The following AFF3 variants were observed in gnomAD, a reference collection of about 807,000 sequenced individuals.
AFF3 encodes the protein ALF transcription elongation factor 3, also known as AF4/FMR2 family member 3.
AFF3 carries 32 observed loss-of-function variants against 129.7 expected under a neutral mutation model. The observed-to-expected ratio is 0.25, with a 90% confidence interval of 0.19 to 0.33. The LOEUF (loss-of-function observed/expected upper bound fraction) is 0.33, where lower values mean the gene tolerates loss of function less well. Among genes scored for constraint, AFF3 ranks in the 10% least tolerant of loss-of-function variants. The pLI is 1.00. For missense variants in AFF3, 1,373 were observed against 1,592.0 expected (o/e 0.86, Z 2.34); for synonymous variants, 644 against 635.4 (o/e 1.01, Z -0.20).
chr2:99,821,781 A>C (rs1687706249), intron 8 of AFF3, among the ~76,000 whole-genome samples: 1 of 152,178 alleles, frequency 6.6e-6, no homozygotes, highest in Non-Finnish European at 1.5e-5. Flanking sequence ...CCTCGTGATG[A>C]CCAAAACATT....
At chr2:100,049,559 T>C (rs78967321) in intron 4 of AFF3, among the ~76,000 whole-genome samples, 4,030 of 152,302 alleles carry the variant, frequency 0.026, 165 homozygotes, top group African/African-American at 0.09. Flanking sequence ...GATATTATTA[T>C]ATTCAGGTTA....
chr2:99,860,653 A>G (rs371647889), intron 7 of AFF3, among the ~76,000 whole-genome samples: 2 of 152,090 alleles, frequency 1.3e-5, no homozygotes, highest in East Asian at 1.9e-4. Context: ...GCTTGAACCC[A>G]GGAGGTAGAG....
chr2:99,767,906 T>C (rs1017772954), intron 8 of AFF3, among the ~76,000 whole-genome samples: 2 of 152,158 alleles, frequency 1.3e-5, no homozygotes, highest in African/African-American at 2.4e-5. Flanking sequence ...GATTGCGCCA[T>C]TGCACTCCTC....
chr2:99,607,206 G>T (rs1680450351), intron 13 of AFF3, among the ~76,000 whole-genome samples: 1 of 152,100 alleles, frequency 6.6e-6, no homozygotes, highest in South Asian at 2.1e-4. Flanking sequence ...TTGGAATCTG[G>T]CCTTGGCTAA....
At chr2:100,135,018 G>A (rs1692577758) in intron 1 of AFF3, among the ~76,000 whole-genome samples, 1 of 152,168 alleles carries the variant, frequency 6.6e-6, no homozygotes, top group Non-Finnish European at 1.5e-5. Context: ...ATGCATCTGG[G>A]GAAGAGCTCC....
intron 11 of AFF3, among the ~76,000 whole-genome samples, chr2:99,697,724 G>A (rs1407301716): frequency 6.6e-6 from 1 of 152,204 alleles, no homozygotes; most frequent in Non-Finnish European, 1.5e-5. Context: ...CTGAGTTCTA[G>A]CCCTAGTTCT....
intron 8 of AFF3, among the ~76,000 whole-genome samples, chr2:99,835,336 C>T (rs568843957): frequency 5.9e-5 from 9 of 152,288 alleles, no homozygotes; most frequent in African/African-American, 2.2e-4. Flanking sequence ...ACTATTCTGC[C>T]TTTCCCTCTC....
chr2:99,687,419 T>C (rs1675172424), intron 11 of AFF3, among the ~76,000 whole-genome samples: 2 of 152,038 alleles, frequency 1.3e-5, no homozygotes, highest in African/African-American at 4.8e-5. Context: ...ACCAGTTTTA[T>C]CAAATGAGCC....
chr2:99,640,836 C>A (rs1208404840), intron 13 of AFF3, among the ~76,000 whole-genome samples: 1 of 152,236 alleles, frequency 6.6e-6, no homozygotes, highest in Non-Finnish European at 1.5e-5. Flanking sequence ...CCAGGAATTA[C>A]ATGAGGTGCT....
chr2:99,811,195 A>G (rs1686758710), intron 8 of AFF3, among the ~76,000 whole-genome samples: 1 of 152,044 alleles, frequency 6.6e-6, no homozygotes, highest in Non-Finnish European at 1.5e-5. Flanking sequence ...TATGGGTACA[A>G]CTCAGGACCT....
At chr2:100,072,600 C>A (rs1219880979) in intron 4 of AFF3, among the ~76,000 whole-genome samples, 4 of 152,124 alleles carry the variant, frequency 2.6e-5, no homozygotes, top group African/African-American at 9.7e-5. Context: ...AAGCCTGCAA[C>A]CCCAGAGAAA....
intron 8 of AFF3, among the ~76,000 whole-genome samples, chr2:99,781,109 A>G (rs1053303494): frequency 3.3e-5 from 5 of 152,130 alleles, no homozygotes; most frequent in African/African-American, 1.2e-4. Flanking sequence ...TTTAGTTACA[A>G]TGATTTTCTC....
At chr2:99,964,082 A>G (rs570756881) in intron 7 of AFF3, among the ~76,000 whole-genome samples, 1 of 152,232 alleles carries the variant, frequency 6.6e-6, no homozygotes, top group South Asian at 2.1e-4. Flanking sequence ...TAACAATCCT[A>G]AAAGTATATG....
chr2:99,931,103 G>T (rs1181175162), intron 7 of AFF3, among the ~76,000 whole-genome samples: 3 of 152,156 alleles, frequency 2.0e-5, no homozygotes, highest in African/African-American at 7.2e-5. Context: ...GGATTATCAT[G>T]ACTCTAGAAT....
intron 4 of AFF3, among the ~76,000 whole-genome samples, chr2:100,081,125 C>G (rs556343939): frequency 6.6e-6 from 1 of 151,900 alleles, no homozygotes; most frequent in East Asian, 1.9e-4. Flanking sequence ...GGAAGTAGGG[C>G]GACAAGGGTT....
chr2:99,881,129 C>A (rs1692680744), intron 7 of AFF3, among the ~76,000 whole-genome samples: 1 of 152,240 alleles, frequency 6.6e-6, no homozygotes, highest in Admixed American at 6.5e-5. Context: ...CTCTATACTT[C>A]ATGGAAGTTA....
intron 8 of AFF3, among the ~76,000 whole-genome samples, chr2:99,824,414 C>T (rs1687921335): frequency 6.6e-6 from 1 of 152,064 alleles, no homozygotes; most frequent in Non-Finnish European, 1.5e-5. Context: ...AGCACCCAGC[C>T]CAAAATCCTT....
At chr2:99,638,247 A>T (rs181932679) in intron 13 of AFF3, among the ~76,000 whole-genome samples, 20 of 152,168 alleles carry the variant, frequency 1.3e-4, no homozygotes, top group African/African-American at 4.8e-4. Context: ...TTTAGTAGAG[A>T]TGAAGTTTTA....
chr2:100,044,257 CCT>C (rs1361147686), intron 4 of AFF3, among the ~76,000 whole-genome samples: 1 of 152,230 alleles, frequency 6.6e-6, no homozygotes, highest in Non-Finnish European at 1.5e-5. Flanking sequence ...AGCAGGATCC[CCT>C]CTCGTGGAAA....
Sources: gnomAD v4.1 joint callset for allele counts (sites outside exome capture counted in the v4.1 genomes callset) on GRCh38, gnomAD v4.1.1 for gene constraint, MANE v1.5 for transcripts, NCBI Gene and HGNC (gene_info 2026-07-23, HGNC 2026-07-21) for gene names.